TLL2: variants seen among roughly 807,000 people sequenced by gnomAD.
TLL2 encodes tolloid like 2.
TLL2 carries 106 observed loss-of-function variants against 123.0 expected under a neutral mutation model. The observed-to-expected ratio is 0.86, with a 90% confidence interval of 0.74 to 1.01. The LOEUF (loss-of-function observed/expected upper bound fraction) is 1.01, where lower values mean the gene tolerates loss of function less well. TLL2 is among the 50% of genes least tolerant of loss of function. TLL2 has a pLI of 0.00. For missense variants in TLL2, 1,332 were observed against 1,336.7 expected, an observed-to-expected ratio of 1.00 and a Z score of 0.06; for synonymous variants, 494 against 516.8, an observed-to-expected ratio of 0.96 and a Z score of 0.60.
rs200361455 is a variant in TLL2 at position 96,384,750 on chromosome 10, A to G, written c.2031T>C (p.Phe677=). ...LEGNDVCKYD[F]VEVRSGLSPD... is the part of the protein sequence containing the mutation. ...GGGACAGGCCGCTGCGCACCTCTAC[A>G]AAGTCGTACTTACAGACCTGCAAGG... The change falls in exon 16 of 21, where the codon TTT becomes TTC. Residue 677 remains phenylalanine (F), a synonymous_variant. Coordinates refer to ENST00000357947, the MANE Select transcript of TLL2 (RefSeq NM_012465.4). 4.2e-5 allele frequency: 67 copies of G among 1,596,360 alleles called. No individual in the cohort carries two copies. Among genetic ancestry groups the G allele is most frequent in the Middle Eastern group, 1.7e-4 (1 of 6,008 alleles).
chr10:96,441,757 T>C (rs534193712), intron 3 of TLL2, among the ~76,000 whole-genome samples: 53 of 152,266 alleles, frequency 3.5e-4, no homozygotes, highest in African/African-American at 1.2e-3. Context: ...CCACAATGGC[T>C]ACGAAAGTCT....
chr10:96,476,572 A>T (rs1319432486), intron 2 of TLL2, among the ~76,000 whole-genome samples: 1 of 151,778 alleles, frequency 6.6e-6, no homozygotes, highest in East Asian at 1.9e-4. Context: ...TGTGATTTTT[A>T]AAATTAAAAC....
chr10:96,484,089 C>G (rs893913862), intron 1 of TLL2, among the ~76,000 whole-genome samples: 3 of 152,174 alleles, frequency 2.0e-5, no homozygotes, highest in African/African-American at 7.2e-5. Flanking sequence ...AGTCATCCTC[C>G]TGCCTCGGCC....
intron 9 of TLL2, among the ~76,000 whole-genome samples, chr10:96,405,987 A>G (rs1846445888): frequency 6.6e-6 from 1 of 152,182 alleles, no homozygotes; most frequent in Non-Finnish European, 1.5e-5. Context: ...GGCCAAGCCA[A>G]TGAGAACACT....
In TLL2 at chr10:96,460,817, T is replaced by C. The variant is rs144607062; in HGVS notation, c.287-14649A>G. 5.9e-5 allele frequency among the ~76,000 whole-genome samples: 9 copies of C among 152,298 alleles called. No individual in the cohort carries two copies. The East Asian group carries it at 1.4e-3, about 23-fold the overall frequency. On this transcript the variant is annotated intron_variant, in intron 2 of 20. Coordinates refer to ENST00000357947, the MANE Select transcript of TLL2 (RefSeq NM_012465.4). The stretch of plus-strand genomic sequence containing the variant: ...GTGAGAACAGACTAATACAATGCCC[T>C]TATAAAAGAGACCCCAGAGAACTCT...
chr10:96,487,911 C>T (rs1161315881), intron 1 of TLL2, among the ~76,000 whole-genome samples: 1 of 152,156 alleles, frequency 6.6e-6, no homozygotes, highest in Non-Finnish European at 1.5e-5. Context: ...ATTTTATACT[C>T]GCCAAGGAAA....
At chr10:96,461,355 C>T (rs1847080558) in intron 2 of TLL2, among the ~76,000 whole-genome samples, 1 of 152,074 alleles carries the variant, frequency 6.6e-6, no homozygotes, top group Admixed American at 6.5e-5. Context: ...GGAGGCTGCC[C>T]AGAGAAGGGT....
intron 3 of TLL2, among the ~76,000 whole-genome samples, chr10:96,445,000 T>C (rs185710019): frequency 6.6e-6 from 1 of 152,086 alleles, no homozygotes; most frequent in African/African-American, 2.4e-5. Flanking sequence ...CCATCCTGGC[T>C]AACACGGTGA....
chr10:96,367,877 G>C lies in TLL2; in HGVS notation c.*211C>G, dbSNP rs768598417. 3.5e-6 allele frequency: 2 copies of C among 574,060 alleles called. No homozygotes were observed. The highest frequency in any genetic ancestry group is 3.7e-5 in the African/African-American group (2 of 53,550). The allele number at this position is 574,060 out of a possible 1,614,324, so 35.6% of individuals were successfully genotyped here. ...ACAGTTCATGAATGATAACATTGCAGACAGAAGCAAAAGAACATTTTTCTC... is the reference window on the plus strand; with the variant it reads ...ACAGTTCATGAATGATAACATTGCACACAGAAGCAAAAGAACATTTTTCTC... On this transcript the variant is annotated 3_prime_UTR_variant, in exon 21 of 21. Coordinates refer to ENST00000357947, the MANE Select transcript of TLL2 (RefSeq NM_012465.4).
intron 3 of TLL2, among the ~76,000 whole-genome samples, chr10:96,437,077 G>A (rs1846803953): frequency 6.6e-6 from 1 of 152,078 alleles, no homozygotes; most frequent in Admixed American, 6.5e-5. Context: ...TTTTGTTAAA[G>A]TGAGTCATTG....
At chr10:96,488,152 A>G (rs1186299915) in intron 1 of TLL2, among the ~76,000 whole-genome samples, 10 of 152,374 alleles carry the variant, frequency 6.6e-5, no homozygotes, top group Non-Finnish European at 1.5e-5. Context: ...AACTGGCACC[A>G]GGCCCCACTC....
chr10:96,449,487 G>A (rs560382792), intron 2 of TLL2, among the ~76,000 whole-genome samples: 2 of 152,334 alleles, frequency 1.3e-5, no homozygotes, highest in East Asian at 1.9e-4. Context: ...TTATCAACAA[G>A]AGATGGAAGG....
chr10:96,429,362 T>TC (rs1846713334), intron 4 of TLL2, among the ~76,000 whole-genome samples: 1 of 74,424 alleles, frequency 1.3e-5, no homozygotes, highest in Non-Finnish European at 2.8e-5. Context: ...TTAAATATTT[T>TC]CAAAAAAAAA....
At chr10:96,510,826 G>A (rs945437120) in intron 1 of TLL2, among the ~76,000 whole-genome samples, 2 of 152,206 alleles carry the variant, frequency 1.3e-5, no homozygotes, top group African/African-American at 4.8e-5. Flanking sequence ...CAGCCAGGGG[G>A]CTCACACTGA....
intron 3 of TLL2, among the ~76,000 whole-genome samples, chr10:96,444,672 A>C (rs989074965): frequency 1.3e-5 from 2 of 152,366 alleles, no homozygotes; most frequent in Middle Eastern, 3.4e-3. Context: ...ATGTGGAAAA[A>C]AGAACCTGAA....
At chr10:96,434,927 C>G (rs900144880) in intron 3 of TLL2, among the ~76,000 whole-genome samples, 11 of 152,100 alleles carry the variant, frequency 7.2e-5, no homozygotes, top group African/African-American at 2.7e-4. Flanking sequence ...TTTCATTTCC[C>G]CAATGACTAA....
At chr10:96,400,974 G>C (rs1339137216) in intron 10 of TLL2, among the ~76,000 whole-genome samples, 1 of 152,118 alleles carries the variant, frequency 6.6e-6, no homozygotes, top group African/African-American at 2.4e-5. Flanking sequence ...TTAATCACTA[G>C]GTGAAAACCT....
Position 96,392,299 on chromosome 10 carries a change from A to T in TLL2, c.1726+2888T>A, listed in dbSNP as rs563782632. ...CATTGTCCTGACTGGCATCTCCAGT[A>T]AGTTTTCCATAAAAAAATCAGGAGG... On this transcript the variant is annotated intron_variant, in intron 13 of 20. Coordinates refer to ENST00000357947, the MANE Select transcript of TLL2 (RefSeq NM_012465.4). 9.7e-4 allele frequency among the ~76,000 whole-genome samples: 148 copies of T among 152,316 alleles called. 2 individuals are homozygous for T. In the Middle Eastern group the frequency reaches 0.024, roughly 25 times the overall value.
intron 13 of TLL2, among the ~76,000 whole-genome samples, chr10:96,394,725 A>C (rs1846320692): frequency 6.6e-6 from 1 of 152,166 alleles, no homozygotes. Context: ...TAGATCCCCG[A>C]TCTGCCACTT....
Sources: gnomAD v4.1 joint callset for allele counts (sites outside exome capture counted in the v4.1 genomes callset) on GRCh38, gnomAD v4.1.1 for gene constraint, MANE v1.5 for transcripts, NCBI Gene and HGNC (gene_info 2026-07-23, HGNC 2026-07-21) for gene names.